BCAR3: variants seen among roughly 807,000 people sequenced by gnomAD.
The protein encoded by BCAR3 is BCAR3 adaptor protein, NSP family member.
BCAR3 carries 37 observed loss-of-function variants against 80.1 expected under a neutral mutation model. That is an observed-to-expected ratio of 0.46 (90% CI 0.36 to 0.61). The LOEUF (loss-of-function observed/expected upper bound fraction) is 0.61, where lower values mean the gene tolerates loss of function less well. BCAR3 is among the 20% of genes least tolerant of loss of function. The probability of loss-of-function intolerance (pLI) is 0.00; values close to 1 mark genes in which losing one functional copy is unlikely to be tolerated. For missense variants in BCAR3, 978 were observed against 1,068.2 expected, an observed-to-expected ratio of 0.92 and a Z score of 1.18; for synonymous variants, 389 against 418.9, an observed-to-expected ratio of 0.93 and a Z score of 0.87.
chr1:93,674,764 T>A lies in BCAR3; in HGVS notation c.167A>T (p.Lys56Ile). The A allele has an allele frequency of 6.2e-7, 1 of 1,612,914 alleles. No homozygotes were observed. The highest frequency in any genetic ancestry group is 8.5e-7 in the Non-Finnish European group (1 of 1,179,698). ...ACAGGACCTTATGGGAGGAGGACCT[T>A]TTTTCTTCCGTGGAAGGGTGCCATG... is the stretch of plus-strand genomic sequence containing the variant. ...SIHGTLPRKK[K>I]GPPPIRSCDD... Residue 56 changes from lysine (K) to isoleucine (I), a missense_variant, in exon 2 of 12, where the codon AAA becomes ATA. By Grantham distance (102) the Lys-to-Ile change is moderately radical. Coordinates refer to ENST00000260502, the MANE Select transcript of BCAR3 (RefSeq NM_003567.4).
intron 3 of BCAR3, among the ~76,000 whole-genome samples, chr1:93,609,335 G>T (rs188505945): frequency 6.6e-6 from 1 of 152,290 alleles, no homozygotes; most frequent in Non-Finnish European, 1.5e-5. Flanking sequence ...CAAGACCATG[G>T]CCACTAGACT....
intron 2 of BCAR3, among the ~76,000 whole-genome samples, chr1:93,708,642 G>A (rs187960584): frequency 1.3e-5 from 2 of 152,252 alleles, no homozygotes; most frequent in Non-Finnish European, 2.9e-5. Context: ...CACAGAAACC[G>A]GTTTCAGTTC....
chr1:93,819,711 T>C lies in BCAR3; in HGVS notation c.-63+25856A>G, dbSNP rs187161357. 1.4e-3 allele frequency among the ~76,000 whole-genome samples: 207 copies of C among 152,326 alleles called. 2 individuals carry two copies. Among genetic ancestry groups the C allele is most frequent in the African/African-American group, 4.7e-3 (195 of 41,572 alleles). ...GTATCTTTTCACCTACCACAAACAC[T>C]ATAACTTTGCCAGATTTATTTATAT... On this transcript the variant is annotated intron_variant, in intron 2 of 13. Transcript: ENST00000370244.
upstream of BCAR3, among the ~76,000 whole-genome samples, chr1:93,682,138 C>T (rs1330852996): frequency 5.3e-5 from 8 of 152,224 alleles, no homozygotes; most frequent in Non-Finnish European, 8.8e-5. Context: ...CTTTGCTCGT[C>T]TGCAGACACC....
intron 2 of BCAR3, among the ~76,000 whole-genome samples, chr1:93,764,335 C>T (rs1273514945): frequency 6.6e-6 from 1 of 151,898 alleles, no homozygotes; most frequent in African/African-American, 2.4e-5. Flanking sequence ...CATTCTTAGG[C>T]CTCCTTCATC....
intron 3 of BCAR3, among the ~76,000 whole-genome samples, chr1:93,596,761 T>A (rs1174822305): frequency 6.6e-6 from 1 of 152,224 alleles, no homozygotes; most frequent in African/African-American, 2.4e-5. Context: ...CTAGAAGGCA[T>A]CTGATTCCTT....
Position 93,592,236 on chromosome 1 carries a change from T to C in BCAR3, c.486+29A>G, listed in dbSNP as rs371296291. 102 of 1,612,846 alleles carry C rather than the reference T, an allele frequency of 6.3e-5. No individual in the cohort carries two copies. The highest frequency in any genetic ancestry group is 7.7e-5 in the Non-Finnish European group (91 of 1,179,912). ...TGTACATTGCCTGAGAGCAGCCGTGTATGCTCTGGAAGGGACAAGACCAGG... is the reference window on the plus strand; with the variant it reads ...TGTACATTGCCTGAGAGCAGCCGTGCATGCTCTGGAAGGGACAAGACCAGG... On this transcript the variant is annotated intron_variant, in intron 4 of 11. Transcript: ENST00000260502. This position sits in a 1 kb window ranked among gnomAD's most constrained non-coding sequence, Gnocchi z 4.8.
chr1:93,662,828 C>T lies in BCAR3; in HGVS notation c.317+11786G>A, dbSNP rs563003738. ...TTCAAAAATCGTTGTCTTGATAATC[C>T]ACTTTATAATAGAATATTTCCTGAG... On this transcript the variant is annotated intron_variant, in intron 2 of 11. Transcript: ENST00000260502. 2.0e-5 allele frequency among the ~76,000 whole-genome samples: 3 copies of T among 152,256 alleles called. No individual in the cohort carries two copies. In the South Asian group the frequency reaches 6.2e-4, roughly 32 times the overall value.
intron 2 of BCAR3, among the ~76,000 whole-genome samples, chr1:93,644,380 C>A (rs1676086818): frequency 6.6e-6 from 1 of 152,236 alleles, no homozygotes; most frequent in African/African-American, 2.4e-5. Context: ...AATCCCCAGT[C>A]TTTAGACAAA....
chr1:93,706,669 GA>G (rs1649836711), intron 2 of BCAR3, among the ~76,000 whole-genome samples: 1 of 152,166 alleles, frequency 6.6e-6, no homozygotes, highest in African/African-American at 2.4e-5. Flanking sequence ...AAGTTATTAT[GA>G]GAGTTAAATG....
At chr1:93,800,797 GTATCGGTGTA>G (rs1300164057) in intron 2 of BCAR3, among the ~76,000 whole-genome samples, 2 of 152,100 alleles carry the variant, frequency 1.3e-5, no homozygotes, top group Non-Finnish European at 2.9e-5. Flanking sequence ...CCCATAAGAT[GTATCGGTGTA>G]GAAGGCTCCA....
intron 11 of BCAR3, among the ~76,000 whole-genome samples, chr1:93,565,588 C>G (rs1449095460): frequency 6.6e-6 from 1 of 152,170 alleles, no homozygotes; most frequent in Admixed American, 6.5e-5. Context: ...TTCTCAAAAC[C>G]CACCCTGATG....
intron 2 of BCAR3, among the ~76,000 whole-genome samples, chr1:93,804,711 C>T (rs1359902406): frequency 6.6e-6 from 1 of 152,058 alleles, no homozygotes; most frequent in Admixed American, 6.6e-5. Flanking sequence ...ATTTTTGGAC[C>T]GAAGTTGACT....
upstream of BCAR3, among the ~76,000 whole-genome samples, chr1:93,686,466 A>G (rs1185419990): frequency 1.3e-5 from 2 of 152,266 alleles, no homozygotes; most frequent in Non-Finnish European, 2.9e-5. Context: ...CATTAGCTGT[A>G]CTTGGTTTAG....
rs143721676 is a variant in BCAR3, at chr1:93,626,744, T to C, written c.357+15560A>G. 1.2e-4 allele frequency among the ~76,000 whole-genome samples: 19 copies of C among 152,326 alleles called. No homozygotes were observed. The East Asian group carries it at 3.3e-3, about 26-fold the overall frequency. On this transcript the variant is annotated intron_variant, in intron 3 of 11. Transcript: ENST00000260502. ...TGAGAATTACTCACTTTATTAAATA[T>C]GGGCCCTCGAGTACATGTCTCTTTA...
At chr1:93,645,464 A>G (rs1676123783) in intron 2 of BCAR3, among the ~76,000 whole-genome samples, 1 of 152,078 alleles carries the variant, frequency 6.6e-6, no homozygotes, top group Non-Finnish European at 1.5e-5. Context: ...CCTGCAAACT[A>G]TAGAGTTCCT....
chr1:93,707,811 G>A (rs573868418), intron 2 of BCAR3, among the ~76,000 whole-genome samples: 1 of 152,292 alleles, frequency 6.6e-6, no homozygotes, highest in African/African-American at 2.4e-5. Context: ...AGAAAACAAC[G>A]TAATATTAAA....
At chr1:93,686,154 G>A (rs1032237534), upstream of BCAR3, among the ~76,000 whole-genome samples, 1 of 152,154 alleles carries the variant, frequency 6.6e-6, no homozygotes, top group African/African-American at 2.4e-5. Flanking sequence ...GAAGGCTATG[G>A]AATCACTTCT....
At chr1:93,722,491 A>T (rs1307002037) in intron 2 of BCAR3, among the ~76,000 whole-genome samples, 1 of 152,194 alleles carries the variant, frequency 6.6e-6, no homozygotes, top group Non-Finnish European at 1.5e-5. Flanking sequence ...TCACCTCTGC[A>T]CACTCTAAGC....
Sources: gnomAD v4.1 joint callset for allele counts (sites outside exome capture counted in the v4.1 genomes callset) on GRCh38, gnomAD v4.1.1 for gene constraint, Gnocchi (gnomAD v3.1) non-coding constraint, MANE v1.5 for transcripts, NCBI Gene and HGNC (gene_info 2026-07-23, HGNC 2026-07-21) for gene names.